The following SEMA6A variants were observed in gnomAD, a reference collection of about 807,000 sequenced individuals.
SEMA6A encodes the protein semaphorin 6A.
SEMA6A carries 25 observed loss-of-function variants against 96.8 expected under a neutral mutation model. That is an observed-to-expected ratio of 0.26 (90% CI 0.19 to 0.36). The LOEUF is 0.36. SEMA6A is among the 10% of genes least tolerant of loss of function. The probability of loss-of-function intolerance (pLI) is 1.00; values close to 1 mark genes in which losing one functional copy is unlikely to be tolerated. For missense variants in SEMA6A, 1,363 were observed against 1,323.1 expected, an observed-to-expected ratio of 1.03 and a Z score of -0.47; for synonymous variants, 612 against 518.0, an observed-to-expected ratio of 1.18 and a Z score of -2.46.
rs1411296976 is a variant in SEMA6A, at chr5:116,467,589, T to C, written c.1888A>G (p.Lys630Glu). ...GAVSSHNHQD[K>E]KGVIRESYLK... is the part of the protein sequence containing the mutation. ...GGCATTTCCAAGGCCTTACCCTTCTTGTCTTGGTGATTATGGGAAGACACT... is the reference window on the plus strand; with the variant it reads ...GGCATTTCCAAGGCCTTACCCTTCTCGTCTTGGTGATTATGGGAAGACACT... The change falls in exon 18 of 19, where the codon AAG becomes GAG. Residue 630 changes from lysine (K) to glutamate (E), a missense_variant. By Grantham distance (56) the Lys-to-Glu change is moderately conservative. Around this residue, in one of 2 missense-constraint regions of SEMA6A, gnomAD observed 883 missense variants for 763.6 expected, o/e 1.16. Coordinates refer to ENST00000343348, the MANE Select transcript of SEMA6A (RefSeq NM_020796.5). The C allele has an allele frequency of 2.5e-6, 4 of 1,612,116 alleles. No homozygotes were observed. Among genetic ancestry groups the C allele is most frequent in the African/African-American group, 1.3e-5 (1 of 74,648 alleles).
In SEMA6A at chr5:116,447,807, C is replaced by A. The variant is rs369263419; in HGVS notation, c.1899G>T (p.Val633=). ...GGCCTTTGAGGTAACTTTCCCGAAT[C>A]ACTCCTGCAATAGACATCGCATATG... The part of the protein sequence containing the change: ...SSHNHQDKKG[V]IRESYLKGHD... The change falls in exon 19 of 19, where the codon GTG becomes GTT. Residue 633 remains valine, a synonymous_variant. Transcript: ENST00000343348. The A allele has an allele frequency of 1.3e-6, 2 of 1,593,616 alleles. No individual in the cohort carries two copies. The highest frequency in any genetic ancestry group is 1.7e-5 in the Admixed American group (1 of 58,906).
chr5:116,495,343 G>T, intron 6 of SEMA6A, 70 bp downstream of exon 6: 1 of 1,126,838 alleles, frequency 8.9e-7, no homozygotes, highest in Non-Finnish European at 1.3e-6. Flanking sequence ...TTAGGTTGCT[G>T]CAGGTACAAT....
At chr5:116,559,195 C>A (rs1760714640) in intron 1 of SEMA6A, among the ~76,000 whole-genome samples, 2 of 152,114 alleles carry the variant, frequency 1.3e-5, no homozygotes, top group Non-Finnish European at 2.9e-5. Context: ...TAAACATACT[C>A]AAAAATTTCA....
intron 18 of SEMA6A, among the ~76,000 whole-genome samples, chr5:116,460,968 T>C (rs980427564): frequency 9.9e-5 from 15 of 152,060 alleles, no homozygotes; most frequent in African/African-American, 3.1e-4. Context: ...ATCTTTACTC[T>C]CTAAAAATTA....
chr5:116,568,420 G>C (rs1467498019), intron 1 of SEMA6A, among the ~76,000 whole-genome samples: 1 of 152,148 alleles, frequency 6.6e-6, no homozygotes, highest in Non-Finnish European at 1.5e-5. Flanking sequence ...CAGATATACT[G>C]TACGGGTACA....
intron 1 of SEMA6A, among the ~76,000 whole-genome samples, chr5:116,506,298 C>T (rs1308950884): frequency 6.6e-6 from 1 of 152,174 alleles, no homozygotes; most frequent in African/African-American, 2.4e-5. Context: ...GAAAAGTGCA[C>T]ATTAATTAAT....
intron 10 of SEMA6A, 148 bp downstream of exon 10, chr5:116,486,601 G>T (rs1419008393): frequency 4.7e-6 from 3 of 635,740 alleles, no homozygotes; most frequent in Non-Finnish European, 8.4e-6. Context: ...TTAATTTGTT[G>T]ATGAAAACTA....
chr5:116,495,763 G>A (rs1284697243), intron 5 of SEMA6A: 2 of 424,190 alleles, frequency 4.7e-6, no homozygotes, highest in Non-Finnish European at 4.2e-6. Flanking sequence ...ACAAAAGGAA[G>A]GCAAGCCTGG....
Position 116,471,724 on chromosome 5 carries a change from A to G in SEMA6A, c.1729+1349T>C, listed in dbSNP as rs183538507. On this transcript the variant is annotated intron_variant, in intron 17 of 18. Transcript: ENST00000343348. ...CAGGAGAAACCAAGCACTGTTTTCC[A>G]TACCTACACAGCTCCAATGTATAAG... The G allele has an allele frequency of 1.3e-4, 20 of 152,340 alleles. No individual in the cohort carries two copies. The East Asian group carries it at 3.9e-3, about 29-fold the overall frequency. 9.4% of individuals were successfully genotyped at this position (152,340 alleles called of 1,614,324 possible).
At position 116,446,278 on chromosome 5, in the gene SEMA6A, GTGTGTGT is replaced by G. The variant is rs760742245; in HGVS notation, c.*328_*334del. 17 of 227,666 alleles carry G rather than the reference GTGTGTGT, an allele frequency of 7.5e-5. No homozygotes were observed. The highest frequency in any genetic ancestry group is 1.8e-4 in the East Asian group (2 of 11,062). The allele number at this position is 227,666 out of a possible 1,614,324, so 14.1% of individuals were successfully genotyped here. A position where few individuals can be genotyped will look rare whatever the true frequency, so the allele number is the denominator to read the frequency against. The stretch of plus-strand genomic sequence containing the variant: ...GTGTTGTGTGCATGTGTGTGTGTGT[GTGTGTGT>G]GGGGGTGGGGGATGGGGTAGGTATG... On this transcript the variant is annotated 3_prime_UTR_variant, in exon 19 of 19. Coordinates refer to ENST00000343348, the MANE Select transcript of SEMA6A (RefSeq NM_020796.5).
At chr5:116,564,739 AAAT>A (rs1760959881) in intron 1 of SEMA6A, among the ~76,000 whole-genome samples, 1 of 152,242 alleles carries the variant, frequency 6.6e-6, no homozygotes, top group South Asian at 2.1e-4. Context: ...TGAAATTATT[AAAT>A]AATTGAAAAA....
At chr5:116,527,212 T>C (rs1376709392) in intron 1 of SEMA6A, among the ~76,000 whole-genome samples, 4 of 152,056 alleles carry the variant, frequency 2.6e-5, no homozygotes, top group African/African-American at 4.8e-5. Flanking sequence ...ACAAGTTAAT[T>C]CTTCACAGTC....
chr5:116,471,799 C>A (rs1349814765), intron 17 of SEMA6A: 1 of 152,202 alleles, frequency 6.6e-6, no homozygotes, highest in Non-Finnish European at 1.5e-5. Context: ...TAATTTGACA[C>A]AGGGAGTGAG....
intron 1 of SEMA6A, among the ~76,000 whole-genome samples, chr5:116,524,260 C>G (rs1759104305): frequency 6.6e-6 from 1 of 152,188 alleles, no homozygotes; most frequent in African/African-American, 2.4e-5. Flanking sequence ...CCAGCCTTAT[C>G]AAACCCACTT....
intron 6 of SEMA6A, among the ~76,000 whole-genome samples, chr5:116,493,901 T>G (rs910459979): frequency 9.9e-5 from 15 of 152,204 alleles, no homozygotes; most frequent in African/African-American, 3.6e-4. Context: ...CCGTTCACAG[T>G]GCTTGGCATT....
At chr5:116,494,494 G>A (rs1220397421) in intron 6 of SEMA6A, among the ~76,000 whole-genome samples, 1 of 152,170 alleles carries the variant, frequency 6.6e-6, no homozygotes, top group African/African-American at 2.4e-5. Context: ...GGGAACAACA[G>A]GTAGGAAAGT....
At chr5:116,541,702 G>A (rs779256610) in intron 1 of SEMA6A, among the ~76,000 whole-genome samples, 4 of 152,034 alleles carry the variant, frequency 2.6e-5, no homozygotes. Context: ...GCGTGGTGGC[G>A]TGCACCTGTA....
intron 15 of SEMA6A, 131 bp from the exon 16 acceptor site, chr5:116,475,734 A>G (rs1468490869): frequency 1.6e-5 from 9 of 577,978 alleles, no homozygotes; most frequent in South Asian, 1.5e-4. Flanking sequence ...AAAGAAATAC[A>G]TAACAGCTTT....
chr5:116,488,960 C>T lies in SEMA6A; in HGVS notation c.583G>A (p.Ala195Thr), dbSNP rs773059701. 191 of 1,585,962 alleles carry T rather than the reference C, an allele frequency of 1.2e-4. 2 individuals are homozygous for T. The highest frequency in any genetic ancestry group is 5.2e-4 in the South Asian group (45 of 86,560). ...TCTCCAAGACTCCGGTAAATGACTG[C>T]GTCAATGGCAAGGAAGTCAGTCACT... Reference protein sequence around the residue: ...ATVTDFLAIDAVIYRSLGESP... With the variant: ...ATVTDFLAIDTVIYRSLGESP... Residue 195 changes from alanine to threonine, a missense_variant, in exon 8 of 19, where the codon GCA (alanine) becomes ACA (threonine). Transcript: ENST00000343348.
Sources: allele counts gnomAD v4.1 joint callset (sites outside exome capture counted in the v4.1 genomes callset), GRCh38; gene constraint gnomAD v4.1.1; regional missense constraint gnomAD v4.1.1; transcripts MANE v1.5; gene names NCBI Gene and HGNC (gene_info 2026-07-23, HGNC 2026-07-21).